CADM2: variants seen among roughly 807,000 people sequenced by gnomAD.
The protein encoded by CADM2 is immunoglobulin superfamily member 4D.
In CADM2, 12 loss-of-function variants were observed where a neutral mutation model predicts 49.8. The ratio of observed to expected loss-of-function variants is 0.24; its 90% CI spans 0.15 to 0.39. The LOEUF is 0.39. CADM2 is among the 10% of genes least tolerant of loss of function. The pLI is 1.00. For missense variants in CADM2, 378 were observed against 492.3 expected (o/e 0.77, Z 2.20); for synonymous variants, 214 against 175.4 (o/e 1.22, Z -1.74).
At chr3:85,590,093 G>C (rs2063062123) in intron 1 of CADM2, among the ~76,000 whole-genome samples, 1 of 151,974 alleles carries the variant, frequency 6.6e-6, no homozygotes, top group African/African-American at 2.4e-5. Flanking sequence ...GAAGCCATCA[G>C]CTTGCTGGTC....
At position 85,877,257 on chromosome 3, in the gene CADM2, C is replaced by A. The variant is rs73147147; in HGVS notation, c.239-6034C>A. 9.3e-3 allele frequency among the ~76,000 whole-genome samples: 1,408 copies of A among 152,022 alleles called. 14 individuals are homozygous for A. Among genetic ancestry groups the A allele is most frequent in the Middle Eastern group, 0.041 (12 of 294 alleles). ...CTTCTTTTATTACACATGCTCATTTCTTTTATTCTTTATTCATTCCTAGTT... is the reference window on the plus strand; with the variant it reads ...CTTCTTTTATTACACATGCTCATTTATTTTATTCTTTATTCATTCCTAGTT... On this transcript the variant is annotated intron_variant, in intron 3 of 9. Transcript: ENST00000383699.
intron 3 of CADM2, among the ~76,000 whole-genome samples, chr3:85,820,231 A>T (rs2108177734): frequency 6.6e-6 from 1 of 152,266 alleles, no homozygotes; most frequent in Admixed American, 6.5e-5. Flanking sequence ...GCCATAGAAT[A>T]ATTCTGAATT....
At chr3:85,983,017 A>G (rs1282892997) in intron 8 of CADM2, among the ~76,000 whole-genome samples, 1 of 151,734 alleles carries the variant, frequency 6.6e-6, no homozygotes. Context: ...TTAATAAATG[A>G]TCACAAATAA....
chr3:85,168,589 C>G (rs1364129599), intron 1 of CADM2, among the ~76,000 whole-genome samples: 2 of 152,102 alleles, frequency 1.3e-5, no homozygotes, highest in African/African-American at 2.4e-5. Context: ...CATGTTCATA[C>G]TGATTATATT....
At chr3:85,785,708 A>C (rs539409324) in intron 2 of CADM2, among the ~76,000 whole-genome samples, 3 of 152,240 alleles carry the variant, frequency 2.0e-5, no homozygotes, top group Non-Finnish European at 4.4e-5. Flanking sequence ...CTGAGTTAGC[A>C]TGAGCAACCT....
At chr3:85,186,092 G>C (rs1187186874) in intron 1 of CADM2, among the ~76,000 whole-genome samples, 5 of 152,158 alleles carry the variant, frequency 3.3e-5, no homozygotes, top group African/African-American at 1.2e-4. Context: ...GACTGTAGTT[G>C]CTGGAAATTT....
intron 5 of CADM2, among the ~76,000 whole-genome samples, chr3:85,903,626 G>A (rs1716416904): frequency 6.6e-6 from 1 of 152,080 alleles, no homozygotes; most frequent in African/African-American, 2.4e-5. Flanking sequence ...ATTTGGATGA[G>A]GTATTTCTAT....
intron 7 of CADM2, among the ~76,000 whole-genome samples, chr3:85,949,024 G>T (rs1197044645): frequency 6.6e-6 from 1 of 151,452 alleles, no homozygotes; most frequent in Non-Finnish European, 1.5e-5. Flanking sequence ...AAAATTGCAA[G>T]AATGAAGATA....
chr3:85,605,184 A>C (rs908843066), intron 1 of CADM2, among the ~76,000 whole-genome samples: 3 of 152,044 alleles, frequency 2.0e-5, no homozygotes, highest in African/African-American at 7.2e-5. Flanking sequence ...GTGAAATTAA[A>C]GAGCTCTCAG....
At chr3:85,529,899 A>AT (rs1415672437) in intron 1 of CADM2, among the ~76,000 whole-genome samples, 2 of 151,614 alleles carry the variant, frequency 1.3e-5, no homozygotes, top group South Asian at 2.1e-4. Context: ...TCCCTCTCTT[A>AT]TTTTTTCTGT....
At chr3:85,489,390 T>C (rs553751989) in intron 1 of CADM2, among the ~76,000 whole-genome samples, 1 of 152,302 alleles carries the variant, frequency 6.6e-6, no homozygotes, top group African/African-American at 2.4e-5. Flanking sequence ...AACATCTCAG[T>C]AGTTTGTTTC....
intron 1 of CADM2, among the ~76,000 whole-genome samples, chr3:85,245,675 G>T (rs1010789503): frequency 2.6e-5 from 4 of 152,082 alleles, no homozygotes; most frequent in Non-Finnish European, 5.9e-5. Context: ...CTTGCTGTCA[G>T]TCACTTCTTA....
At chr3:85,408,940 T>A (rs1281265721) in intron 1 of CADM2, among the ~76,000 whole-genome samples, 1 of 151,406 alleles carries the variant, frequency 6.6e-6, no homozygotes, top group African/African-American at 2.4e-5. Flanking sequence ...TGGCTTAATC[T>A]AAAAAAAAAC....
chr3:85,421,210 T>C (rs946409218), intron 1 of CADM2, among the ~76,000 whole-genome samples: 2 of 152,204 alleles, frequency 1.3e-5, no homozygotes, highest in African/African-American at 4.8e-5. Context: ...CCTGGAGGTC[T>C]GCCTGCTTTC....
rs542611208 is a variant in CADM2 at position 85,769,553 on chromosome 3, A to G, written c.89-32494A>G. ...TGTATATATACACGTATATACATAT[A>G]TGTATATATACACGTATATACATAT... On this transcript the variant is annotated intron_variant, in intron 2 of 9. Coordinates refer to ENST00000383699, the MANE Select transcript of CADM2 (RefSeq NM_001167675.2). Among the ~76,000 whole-genome samples the G allele has an allele frequency of 6.4e-4, 48 of 75,564 alleles. 6 individuals carry two copies. The highest frequency in any genetic ancestry group is 1.1e-3 in the Non-Finnish European group (43 of 37,558). 49.6% of individuals were successfully genotyped at this position (75,564 alleles called of 152,430 possible).
chr3:85,936,783 C>T (rs563541225), intron 7 of CADM2, among the ~76,000 whole-genome samples: 1 of 151,752 alleles, frequency 6.6e-6, no homozygotes, highest in East Asian at 1.9e-4. Flanking sequence ...AGATGCCTGG[C>T]ACTTTAACTT....
intron 1 of CADM2, among the ~76,000 whole-genome samples, chr3:85,281,128 C>A (rs1208858917): frequency 3.3e-5 from 5 of 151,668 alleles, no homozygotes; most frequent in Non-Finnish European, 7.4e-5. Flanking sequence ...TCTTTTGACA[C>A]AGTAACTTAA....
At chr3:85,676,097 C>T (rs1221668364) in intron 1 of CADM2, among the ~76,000 whole-genome samples, 1 of 152,198 alleles carries the variant, frequency 6.6e-6, no homozygotes, top group Non-Finnish European at 1.5e-5. Context: ...GCAGATACCT[C>T]ACTTTGACAT....
At chr3:85,425,157 C>G (rs569456590) in intron 1 of CADM2, among the ~76,000 whole-genome samples, 1 of 152,106 alleles carries the variant, frequency 6.6e-6, no homozygotes, top group Non-Finnish European at 1.5e-5. Flanking sequence ...TACCTTTGCC[C>G]GTTTCCCCAT....
Sources: gnomAD v4.1 joint callset for allele counts (sites outside exome capture counted in the v4.1 genomes callset) on GRCh38, gnomAD v4.1.1 for gene constraint, MANE v1.5 for transcripts, NCBI Gene and HGNC (gene_info 2026-07-23, HGNC 2026-07-21) for gene names.